Variants in PLCL2 observed in about 807,000 individuals in gnomAD.
PLCL2 encodes the protein inactive phospholipase C-like protein 2.
In PLCL2, 4 loss-of-function variants were observed where a neutral mutation model predicts 79.6. The observed-to-expected ratio is 0.05, with a 90% CI of 0.02 to 0.11. PLCL2 has a LOEUF of 0.11. Among genes scored for constraint, PLCL2 ranks in the 10% least tolerant of loss-of-function variants. The probability of loss-of-function intolerance (pLI) is 1.00; values close to 1 mark genes in which losing one functional copy is unlikely to be tolerated. For missense variants in PLCL2, 895 were observed against 1,291.0 expected, an observed-to-expected ratio of 0.69 and a Z score of 4.70; for synonymous variants, 484 against 457.7, an observed-to-expected ratio of 1.06 and a Z score of -0.73.
chr3:16,965,815 C>T (rs1317391430), intron 1 of PLCL2, among the ~76,000 whole-genome samples: 2 of 151,202 alleles, frequency 1.3e-5, no homozygotes, highest in South Asian at 2.1e-4. Context: ...TGATTTGGCT[C>T]TCTGTTTGTC....
At chr3:17,062,841 T>C (rs2064965787) in intron 4 of PLCL2, among the ~76,000 whole-genome samples, 2 of 152,220 alleles carry the variant, frequency 1.3e-5, no homozygotes, top group Non-Finnish European at 1.5e-5. Context: ...GCCTGGTTTC[T>C]ATTTCTGAAC....
In PLCL2 at chr3:17,011,430, G is replaced by T. The variant is rs1380535837; in HGVS notation, c.2084G>T (p.Cys695Phe). 1 of 1,614,074 alleles carries T rather than the reference G, an allele frequency of 6.2e-7. No homozygotes were observed. The highest frequency in any genetic ancestry group is 1.3e-5 in the African/African-American group (1 of 74,936). Residue 695 changes from cysteine to phenylalanine, a missense_variant, in exon 2 of 6, where the codon TGT becomes TTT. By Grantham distance (205) the Cys-to-Phe change is radical. Coordinates refer to ENST00000615277, the MANE Select transcript of PLCL2 (RefSeq NM_001144382.2). The surrounding 1 kb of genome is among the most constrained non-coding windows in gnomAD (Gnocchi z 7.9). Reference sequence around the variant, plus strand: ...ATGAATCCTCAAGATTTTTGGAAATGTGGTTGCCAAATTGTAGCCATGAAC... The same window carrying T: ...ATGAATCCTCAAGATTTTTGGAAATTTGGTTGCCAAATTGTAGCCATGAAC... ...SNMNPQDFWK[C>F]GCQIVAMNFQ...
chr3:16,947,730 C>T (rs1347512014), intron 1 of PLCL2, among the ~76,000 whole-genome samples: 3 of 152,098 alleles, frequency 2.0e-5, no homozygotes, highest in Non-Finnish European at 2.9e-5. Flanking sequence ...AATTCTCTAC[C>T]CACACCACTT....
intron 1 of PLCL2, among the ~76,000 whole-genome samples, chr3:16,979,969 G>T (rs1445322367): frequency 6.8e-6 from 1 of 147,270 alleles, no homozygotes; most frequent in African/African-American, 2.5e-5. Flanking sequence ...ACGGGGGGCT[G>T]ACCCCCCCAA....
intron 1 of PLCL2, among the ~76,000 whole-genome samples, chr3:16,921,100 A>G (rs1697114967): frequency 6.6e-6 from 1 of 152,204 alleles, no homozygotes; most frequent in Non-Finnish European, 1.5e-5. Flanking sequence ...CTCATATGGT[A>G]AGTTTTCCTA....
rs1575509858 is a variant in PLCL2 at position 16,886,607 on chromosome 3, G to C, written c.327+1241G>C. Among the ~76,000 whole-genome samples, 1 of 152,198 alleles carries C rather than the reference G, an allele frequency of 6.6e-6. No homozygotes were observed. The highest frequency in any genetic ancestry group is 2.1e-4 in the South Asian group (1 of 4,814). ...CATCTGTTTGCGCAGTTTATGTCTGGGCAAGGACACAATTTGAAGGGTTTG... is the reference window on the plus strand; with the variant it reads ...CATCTGTTTGCGCAGTTTATGTCTGCGCAAGGACACAATTTGAAGGGTTTG... On this transcript the variant is annotated intron_variant, in intron 1 of 5. Transcript: ENST00000615277. The surrounding 1 kb of genome is among the most constrained non-coding windows in gnomAD (Gnocchi z 4.2).
intron 3 of PLCL2, among the ~76,000 whole-genome samples, chr3:17,033,605 C>G (rs2064608970): frequency 6.6e-6 from 1 of 152,188 alleles, no homozygotes. Context: ...TACACACACA[C>G]CCCTCAAACA....
chr3:16,988,445 A>C (rs955962986), intron 1 of PLCL2, among the ~76,000 whole-genome samples: 1 of 152,112 alleles, frequency 6.6e-6, no homozygotes, highest in African/African-American at 2.4e-5. Flanking sequence ...ACTTTTGTTG[A>C]GATTGACCAT....
intron 1 of PLCL2, among the ~76,000 whole-genome samples, chr3:16,908,979 T>C: frequency 6.6e-6 from 1 of 152,220 alleles, no homozygotes; most frequent in Non-Finnish European, 1.5e-5. Context: ...CAAAGTATGC[T>C]TCAGCCTTCT....
chr3:17,089,484 G>C (rs1003105946), intron 5 of PLCL2, among the ~76,000 whole-genome samples: 2 of 152,046 alleles, frequency 1.3e-5, no homozygotes, highest in Admixed American at 1.3e-4. Flanking sequence ...CATGCACACA[G>C]AACCCCATGC....
chr3:16,911,490 C>T (rs1168032404), intron 1 of PLCL2, among the ~76,000 whole-genome samples: 1 of 152,084 alleles, frequency 6.6e-6, no homozygotes, highest in Non-Finnish European at 1.5e-5. Flanking sequence ...CTCCCTAGTT[C>T]TAGGAAATCT....
rs576846551 is a variant in PLCL2, at chr3:17,067,374, G to A, written c.3095-582G>A. Among the ~76,000 whole-genome samples the A allele has an allele frequency of 1.2e-4, 18 of 152,342 alleles. No homozygotes were observed. In the East Asian group the frequency reaches 2.9e-3, roughly 24 times the overall value. ...AATTAGAGGATCTACAGATCTTGCA[G>A]AAATTGTTTTGAACAGCAGTAGGGA... is the stretch of plus-strand genomic sequence containing the variant. On this transcript the variant is annotated intron_variant, in intron 4 of 5. Transcript: ENST00000615277.
At chr3:17,018,431 T>C (rs1352718499) in intron 3 of PLCL2, among the ~76,000 whole-genome samples, 1 of 152,174 alleles carries the variant, frequency 6.6e-6, no homozygotes, top group Non-Finnish European at 1.5e-5. Context: ...CATCCCATGA[T>C]TTTGGGGCTC....
intron 1 of PLCL2, among the ~76,000 whole-genome samples, chr3:16,963,535 A>G (rs187059677): frequency 3.2e-4 from 49 of 152,222 alleles, no homozygotes; most frequent in Non-Finnish European, 5.4e-4. Context: ...ATACCTGAGC[A>G]TAGCATTTAT....
chr3:16,951,190 C>T (rs2063648114), intron 1 of PLCL2, among the ~76,000 whole-genome samples: 1 of 151,964 alleles, frequency 6.6e-6, no homozygotes, highest in Non-Finnish European at 1.5e-5. Context: ...TATAATTCAC[C>T]TAAAATGACC....
intron 3 of PLCL2, among the ~76,000 whole-genome samples, chr3:17,037,465 C>T (rs1381009321): frequency 6.6e-6 from 1 of 152,156 alleles, no homozygotes; most frequent in Non-Finnish European, 1.5e-5. Context: ...TGTGAAAGAA[C>T]AAAGTTTTTT....
chr3:16,900,667 C>A (rs1360942346), intron 1 of PLCL2, among the ~76,000 whole-genome samples: 1 of 152,206 alleles, frequency 6.6e-6, no homozygotes, highest in Non-Finnish European at 1.5e-5. Flanking sequence ...TTCATCCCTG[C>A]AAGACCACCT....
intron 3 of PLCL2, among the ~76,000 whole-genome samples, chr3:17,027,771 C>T (rs1049428246): frequency 6.6e-6 from 1 of 152,116 alleles, no homozygotes; most frequent in Non-Finnish European, 1.5e-5. Flanking sequence ...CCTGAGCACT[C>T]CTCTGCTGGA....
At chr3:16,901,753 C>T (rs1489143683) in intron 1 of PLCL2, among the ~76,000 whole-genome samples, 2 of 152,168 alleles carry the variant, frequency 1.3e-5, no homozygotes, top group Non-Finnish European at 2.9e-5. Context: ...TAGCAGTAGC[C>T]TCTCTCTAGC....
Sources: gnomAD v4.1 joint callset for allele counts (sites outside exome capture counted in the v4.1 genomes callset) on GRCh38, gnomAD v4.1.1 for gene constraint, Gnocchi (gnomAD v3.1) non-coding constraint, MANE v1.5 for transcripts, NCBI Gene and HGNC (gene_info 2026-07-23, HGNC 2026-07-21) for gene names.